UBE2H: variants seen among roughly 807,000 people sequenced by gnomAD.
UBE2H encodes ubiquitin conjugating enzyme E2 H.
In UBE2H, 3 loss-of-function variants were observed where a neutral mutation model predicts 29.0. The observed-to-expected ratio is 0.10, with a 90% confidence interval of 0.05 to 0.27. The LOEUF is 0.27. Ranked by LOEUF, UBE2H falls within the 10% of genes least tolerant of loss-of-function variation. The pLI is 1.00. For synonymous variants in UBE2H, 69 were observed against 82.9 expected, an observed-to-expected ratio of 0.83 and a Z score of 0.91; for missense variants, 68 against 228.2, an observed-to-expected ratio of 0.30 and a Z score of 4.52.
At chr7:129,906,676 TTATAG>T (rs1028228066) in intron 1 of UBE2H, among the ~76,000 whole-genome samples, 20 of 152,198 alleles carry the variant, frequency 1.3e-4, no homozygotes, top group Admixed American at 2.0e-4. Context: ...AAAAATTTGC[TTATAG>T]TAAAGTTACT....
intron 3 of UBE2H, among the ~76,000 whole-genome samples, chr7:129,864,640 C>T (rs928098254): frequency 9.4e-5 from 14 of 149,614 alleles, no homozygotes; most frequent in South Asian, 2.1e-4. Flanking sequence ...CAGCCTCCAC[C>T]TCACGGGTTC....
chr7:129,874,872 ACTAAACT>A (rs1353469008), intron 3 of UBE2H, among the ~76,000 whole-genome samples: 3 of 152,166 alleles, frequency 2.0e-5, no homozygotes, highest in East Asian at 1.9e-4. Flanking sequence ...TCTGAGATGG[ACTAAACT>A]CTAAACTCTA....
At chr7:129,855,692 G>A (rs578094872) in intron 5 of UBE2H, among the ~76,000 whole-genome samples, 2 of 152,236 alleles carry the variant, frequency 1.3e-5, no homozygotes, top group South Asian at 4.1e-4. Context: ...CAATCCAAGG[G>A]GATAAGATAA....
intron 3 of UBE2H, among the ~76,000 whole-genome samples, chr7:129,866,492 T>C (rs576419733): frequency 2.0e-4 from 31 of 152,312 alleles, no homozygotes; most frequent in African/African-American, 7.2e-4. Flanking sequence ...AACCACACTG[T>C]TGGGTTCAGG....
At chr7:129,890,271 ACACG>A (rs1392624688) in intron 1 of UBE2H, among the ~76,000 whole-genome samples, 1 of 150,884 alleles carries the variant, frequency 6.6e-6, no homozygotes, top group Non-Finnish European at 1.5e-5. Context: ...GTATATATAC[ACACG>A]TATATATATA....
intron 1 of UBE2H, among the ~76,000 whole-genome samples, chr7:129,908,911 C>T (rs1336846805): frequency 6.6e-6 from 1 of 152,190 alleles, no homozygotes; most frequent in Non-Finnish European, 1.5e-5. Flanking sequence ...GAGTCCTTAA[C>T]TAACAGCCTT....
At chr7:129,839,957 G>A (rs1263186949) in intron 5 of UBE2H, among the ~76,000 whole-genome samples, 1 of 152,196 alleles carries the variant, frequency 6.6e-6, no homozygotes, top group Non-Finnish European at 1.5e-5. Flanking sequence ...TGACCTGCCA[G>A]CCTTGGCCTT....
chr7:129,873,671 C>A (rs1041506365), intron 3 of UBE2H, among the ~76,000 whole-genome samples: 1 of 151,922 alleles, frequency 6.6e-6, no homozygotes, highest in South Asian at 2.1e-4. Context: ...CCCCTTGTCT[C>A]CAGTGATGTG....
At chr7:129,865,952 G>A (rs1464541754) in intron 3 of UBE2H, among the ~76,000 whole-genome samples, 1 of 152,146 alleles carries the variant, frequency 6.6e-6, no homozygotes, top group Non-Finnish European at 1.5e-5. Context: ...AAGGGTGGGG[G>A]GGTGCTGCCA....
chr7:129,900,548 T>C (rs77116148), intron 1 of UBE2H, among the ~76,000 whole-genome samples: 9,520 of 152,258 alleles, frequency 0.063, 368 homozygotes, highest in Non-Finnish European at 0.092. Flanking sequence ...TGTTTCTTCT[T>C]CCTCTCCATG....
intron 3 of UBE2H, among the ~76,000 whole-genome samples, chr7:129,875,259 T>C (rs528189426): frequency 6.6e-6 from 1 of 152,310 alleles, no homozygotes; most frequent in East Asian, 1.9e-4. Flanking sequence ...GTGAAATGTA[T>C]AGGAAAAAAT....
intron 1 of UBE2H, among the ~76,000 whole-genome samples, chr7:129,905,313 T>C (rs1806794158): frequency 1.3e-5 from 2 of 152,110 alleles, no homozygotes; most frequent in East Asian, 1.9e-4. Context: ...GATGGTGGTA[T>C]CATCAGATTG....
chr7:129,852,812 G>A (rs1422454966), intron 5 of UBE2H, among the ~76,000 whole-genome samples: 2 of 151,822 alleles, frequency 1.3e-5, no homozygotes, highest in South Asian at 2.1e-4. Context: ...TGCAACCTCC[G>A]CCTCCCGGGT....
chr7:129,944,655 T>C (rs984382922), intron 1 of UBE2H, among the ~76,000 whole-genome samples: 1 of 151,458 alleles, frequency 6.6e-6, no homozygotes, highest in African/African-American at 2.4e-5. Flanking sequence ...CACCATGAAC[T>C]CTCATCTGGG....
intron 1 of UBE2H, among the ~76,000 whole-genome samples, chr7:129,937,008 A>C (rs1488014203): frequency 1.3e-5 from 2 of 151,008 alleles, no homozygotes; most frequent in Admixed American, 6.6e-5. Flanking sequence ...CAACAACAAC[A>C]AAAAAAACAC....
chr7:129,886,580 C>T (rs1311832075), intron 1 of UBE2H, among the ~76,000 whole-genome samples: 3 of 151,944 alleles, frequency 2.0e-5, no homozygotes, highest in Non-Finnish European at 1.5e-5. Flanking sequence ...AAAGAGTGCC[C>T]TCCCTGAGCT....
At chr7:129,858,109 GA>G (rs1805738303) in intron 4 of UBE2H, among the ~76,000 whole-genome samples, 1 of 152,022 alleles carries the variant, frequency 6.6e-6, no homozygotes, top group Admixed American at 6.5e-5. Flanking sequence ...TTTATTGAAA[GA>G]AAAAAGTGCT....
chr7:129,918,614 C>T (rs114594079), intron 1 of UBE2H, among the ~76,000 whole-genome samples: 1,814 of 152,188 alleles, frequency 0.012, 38 homozygotes, highest in African/African-American at 0.042. Flanking sequence ...CTTAAAATTA[C>T]CAACCTGTAC....
rs900527614 is a variant in UBE2H, at chr7:129,832,338, C to G, written c.*2599G>C. 1 of 152,294 alleles carries G rather than the reference C, an allele frequency of 6.6e-6. No homozygotes were observed. Among genetic ancestry groups the G allele is most frequent in the Admixed American group, 6.5e-5 (1 of 15,284 alleles). The allele number at this position is 152,294 out of a possible 1,614,324, so 9.4% of individuals were successfully genotyped here. A position where few individuals can be genotyped will look rare whatever the true frequency, so the allele number is the denominator to read the frequency against. On this transcript the variant is annotated 3_prime_UTR_variant, in exon 7 of 7. Transcript: ENST00000355621. ...CATGGGACCAAGGTTAGTGCCCAGACAGGACAGACTTGCACAGAACAAGAG... is the reference window on the plus strand; with the variant it reads ...CATGGGACCAAGGTTAGTGCCCAGAGAGGACAGACTTGCACAGAACAAGAG...
Sources: gnomAD v4.1 joint callset for allele counts (sites outside exome capture counted in the v4.1 genomes callset) on GRCh38, gnomAD v4.1.1 for gene constraint, MANE v1.5 for transcripts, NCBI Gene and HGNC (gene_info 2026-07-23, HGNC 2026-07-21) for gene names.